The following DNAJC13 variants were observed in gnomAD, a reference collection of about 807,000 sequenced individuals.
The protein encoded by DNAJC13 is DnaJ heat shock protein family (Hsp40) member C13, also known as dnaJ homolog subfamily C member 13.
A neutral mutation model predicts 290.5 loss-of-function variants in DNAJC13; 75 were observed. The ratio of observed to expected loss-of-function variants is 0.26; its 90% CI spans 0.21 to 0.31. The LOEUF (loss-of-function observed/expected upper bound fraction) is 0.31, where lower values mean the gene tolerates loss of function less well. Among genes scored for constraint, DNAJC13 ranks in the 10% least tolerant of loss-of-function variants. The probability of loss-of-function intolerance (pLI) is 1.00; values close to 1 mark genes in which losing one functional copy is unlikely to be tolerated. For missense variants in DNAJC13, 2,260 were observed against 2,674.5 expected (o/e 0.85, Z 3.42); for synonymous variants, 862 against 892.0 (o/e 0.97, Z 0.60).
At chr3:132,462,443 T>G in intron 15 of DNAJC13, 24 bp from the exon 16 acceptor site, 9 of 1,602,054 alleles carry the variant, frequency 5.6e-6, no homozygotes, top group Non-Finnish European at 7.7e-6. Flanking sequence ...TATTTTTTGA[T>G]ACTTTTTCCC....
At chr3:132,460,580 G>C (rs903472067) in intron 14 of DNAJC13, among the ~76,000 whole-genome samples, 6 of 151,590 alleles carry the variant, frequency 4.0e-5, no homozygotes, top group Non-Finnish European at 7.4e-5. Context: ...ATTTTCACAG[G>C]GATACTCCAA....
intron 1 of DNAJC13, among the ~76,000 whole-genome samples, chr3:132,425,462 C>T (rs796402641): frequency 2.6e-5 from 4 of 152,284 alleles, no homozygotes; most frequent in African/African-American, 9.6e-5. Context: ...AAGGTTTTTA[C>T]ATTAACATTT....
intron 28 of DNAJC13, 52 bp from the exon 29 acceptor site, chr3:132,484,536 A>C (rs1184305944): frequency 3.9e-6 from 6 of 1,551,778 alleles, no homozygotes; most frequent in Non-Finnish European, 5.3e-6. Flanking sequence ...TGCTCTGAAC[A>C]TACAAATTTT....
rs762502868 is a variant in DNAJC13 at position 132,483,614 on chromosome 3, A to G, written c.3182+37A>G. 13 of 1,580,330 alleles carry G rather than the reference A, an allele frequency of 8.2e-6. No individual in the cohort carries two copies. In the South Asian group the frequency reaches 1.4e-4, roughly 18 times the overall value. On this transcript the variant is annotated intron_variant, in intron 28 of 55. Transcript: ENST00000260818. ...TTGAATGTTTCCATGGTTAATTGAT[A>G]TGCTTCCTTAGTAACAGCATAGAAT...
rs1383771635 is a variant in DNAJC13, at chr3:132,450,722, G to C, written c.412G>C (p.Asp138His). 6.2e-7 allele frequency: 1 copy of C among 1,613,232 alleles called. No individual in the cohort carries two copies. The highest frequency in any genetic ancestry group is 1.1e-5 in the South Asian group (1 of 91,034). Residue 138 changes from aspartate to histidine, a missense_variant, in exon 6 of 56, where the codon GAC becomes CAC. Asp to His is a moderately conservative substitution (Grantham distance 81). Coordinates refer to ENST00000260818, the MANE Select transcript of DNAJC13 (RefSeq NM_015268.4). ...VILEVTPGGF[D>H]QINPATNRVL... Reference sequence around the variant, plus strand: ...TTTGGAAGTAACTCCAGGAGGCTTTGACCAAATTAATCCTGCAACCAACAG... The same window carrying C: ...TTTGGAAGTAACTCCAGGAGGCTTTCACCAAATTAATCCTGCAACCAACAG...
chr3:132,438,838 G>T (rs1029717537), intron 2 of DNAJC13, among the ~76,000 whole-genome samples: 13 of 152,128 alleles, frequency 8.5e-5, no homozygotes, highest in Admixed American at 5.2e-4. Flanking sequence ...AACTTGTATA[G>T]ACATAATTTA....
chr3:132,433,521 C>G (rs959791438), intron 1 of DNAJC13, among the ~76,000 whole-genome samples: 1 of 152,212 alleles, frequency 6.6e-6, no homozygotes, highest in African/African-American at 2.4e-5. Flanking sequence ...AAGCGATCCT[C>G]CCACCTCAGC....
intron 1 of DNAJC13, among the ~76,000 whole-genome samples, chr3:132,433,928 T>C (rs1939304444): frequency 6.6e-6 from 1 of 152,140 alleles, no homozygotes; most frequent in Admixed American, 6.5e-5. Context: ...AACCTTATGG[T>C]CTTGACCGGG....
At chr3:132,447,031 T>C (rs1239776878) in intron 3 of DNAJC13, among the ~76,000 whole-genome samples, 1 of 152,164 alleles carries the variant, frequency 6.6e-6, no homozygotes. Context: ...TCACAAACTT[T>C]TTAACAAATT....
chr3:132,522,550 CA>C (rs958341064), intron 48 of DNAJC13, among the ~76,000 whole-genome samples: 35 of 152,142 alleles, frequency 2.3e-4, no homozygotes, highest in Admixed American at 2.3e-3. Context: ...GATACGGAGG[CA>C]GGGGGTGAAA....
Position 132,437,071 on chromosome 3 carries a change from G to T in DNAJC13, c.68+2453G>T, listed in dbSNP as rs916149096. On this transcript the variant is annotated intron_variant, in intron 2 of 55. Transcript: ENST00000260818. Reference sequence around the variant, plus strand: ...TTTTTGTATTTTTAGTAGAGACAGGGTTTCACCATGTTGGCCAGGCTGGTC... The same window carrying T: ...TTTTTGTATTTTTAGTAGAGACAGGTTTTCACCATGTTGGCCAGGCTGGTC... Among the ~76,000 whole-genome samples, 6 of 151,722 alleles carry T rather than the reference G, an allele frequency of 4.0e-5. No individual in the cohort carries two copies. The South Asian group carries it at 1.2e-3, about 32-fold the overall frequency.
intron 17 of DNAJC13, 121 bp from the exon 18 acceptor site, chr3:132,465,874 G>T: frequency 5.1e-6 from 3 of 585,840 alleles, no homozygotes; most frequent in South Asian, 3.1e-5. Context: ...TTTTAACATC[G>T]GAATGATTTT....
intron 34 of DNAJC13, among the ~76,000 whole-genome samples, 195 bp from the exon 35 acceptor site, chr3:132,494,893 G>A (rs1195975493): frequency 1.3e-5 from 2 of 151,008 alleles, no homozygotes; most frequent in Non-Finnish European, 3.0e-5. Flanking sequence ...GAACTTTTAG[G>A]TTTTATCTTT....
Position 132,511,152 on chromosome 3 carries a change from C to G in DNAJC13, c.5201C>G (p.Ala1734Gly), listed in dbSNP as rs777563555. The G allele has an allele frequency of 2.5e-6, 4 of 1,613,738 alleles. No homozygotes were observed. Among genetic ancestry groups the G allele is most frequent in the Non-Finnish European group, 3.4e-6 (4 of 1,179,920 alleles). ...YLHTFMAITH[A>G]AKVESEQHGD... ...CACACATTCATGGCCATCACACACG[C>G]GGCAAAAGTGGAGTCAGAGCAACAT... Residue 1734 changes from alanine (A) to glycine (G), a missense_variant, in exon 44 of 56, where the codon GCG becomes GGG. Around this residue, in one of 3 missense-constraint regions of DNAJC13, gnomAD observed 1,494 missense variants for 1,693.7 expected, o/e 0.88. Coordinates refer to ENST00000260818, the MANE Select transcript of DNAJC13 (RefSeq NM_015268.4).
intron 9 of DNAJC13, 85 bp downstream of exon 9, chr3:132,454,242 C>G (rs1041872360): frequency 2.1e-5 from 18 of 857,706 alleles, no homozygotes; most frequent in Non-Finnish European, 2.8e-5. Flanking sequence ...GATATGTAGT[C>G]TAGAAATTTA....
Position 132,462,478 on chromosome 3 carries a change from G to T in DNAJC13, c.1725G>T (p.Met575Ile), listed in dbSNP as rs766171902. Reference protein sequence around the residue: ...TLFKLFQHPSMAIIKGAGLVM... With the variant: ...TLFKLFQHPSIAIIKGAGLVM... ...CCCTCACTTTAAAGCATCCTTCCAT[G>T]GCAATAATAAAAGGAGCTGGGTTGG... The change falls in exon 16 of 56, where the codon ATG becomes ATT. Residue 575 changes from methionine to isoleucine, a missense_variant. Met to Ile is a conservative substitution (Grantham distance 10). Coordinates refer to ENST00000260818, the MANE Select transcript of DNAJC13 (RefSeq NM_015268.4). The T allele has an allele frequency of 1.2e-5, 20 of 1,608,864 alleles. No homozygotes were observed. In the South Asian group the frequency reaches 2.1e-4, roughly 17 times the overall value.
chr3:132,489,453 A>G (rs1217328211), intron 31 of DNAJC13, among the ~76,000 whole-genome samples: 1 of 151,944 alleles, frequency 6.6e-6, no homozygotes, highest in African/African-American at 2.4e-5. Context: ...CATGTTTCAT[A>G]TGCTTTCATT....
At chr3:132,459,175 G>T (rs1363617046) in intron 13 of DNAJC13, among the ~76,000 whole-genome samples, 6 of 152,188 alleles carry the variant, frequency 3.9e-5, no homozygotes, top group Non-Finnish European at 2.9e-5. Context: ...GTAAATGGCA[G>T]AGGAGGCTTC....
chr3:132,508,250 CTG>C (rs1351920111), intron 43 of DNAJC13, among the ~76,000 whole-genome samples: 3 of 152,190 alleles, frequency 2.0e-5, no homozygotes, highest in African/African-American at 4.8e-5. Context: ...AGGAAAAAAA[CTG>C]TCTCCATAAC....
Sources: allele counts gnomAD v4.1 joint callset (sites outside exome capture counted in the v4.1 genomes callset), GRCh38; gene constraint gnomAD v4.1.1; regional missense constraint gnomAD v4.1.1; transcripts MANE v1.5; gene names NCBI Gene and HGNC (gene_info 2026-07-23, HGNC 2026-07-21).